The following BMPR1B variants were observed in gnomAD, a reference collection of about 807,000 sequenced individuals.
BMPR1B encodes the protein bone morphogenetic protein receptor type-1B.
Under a neutral mutation model 59.1 loss-of-function variants are expected in BMPR1B, and 12 were observed. The ratio of observed to expected loss-of-function variants is 0.20; its 90% CI spans 0.13 to 0.33. The LOEUF (loss-of-function observed/expected upper bound fraction) is 0.33, where lower values mean the gene tolerates loss of function less well. Ranked by LOEUF, BMPR1B falls within the 10% of genes least tolerant of loss-of-function variation. The pLI is 1.00. For missense variants in BMPR1B, 550 were observed against 610.9 expected (o/e 0.90, Z 1.05); for synonymous variants, 237 against 207.3 (o/e 1.14, Z -1.23).
chr4:94,863,792 T>A (rs1726095583), intron 1 of BMPR1B, among the ~76,000 whole-genome samples: 1 of 152,152 alleles, frequency 6.6e-6, no homozygotes, highest in Admixed American at 6.5e-5. Context: ...GAGGCAGATA[T>A]CTTTTGGTTC....
At chr4:94,843,859 T>G (rs1200622300) in intron 1 of BMPR1B, among the ~76,000 whole-genome samples, 1 of 152,190 alleles carries the variant, frequency 6.6e-6, no homozygotes, top group African/African-American at 2.4e-5. Context: ...CTGGTCAGTT[T>G]CCTAGTGCAC....
chr4:95,066,530 TTC>T (rs1387439935), intron 3 of BMPR1B, among the ~76,000 whole-genome samples: 1 of 152,228 alleles, frequency 6.6e-6, no homozygotes, highest in African/African-American at 2.4e-5. Flanking sequence ...AGTTTCTTTC[TTC>T]TGTTTCTAGA....
intron 3 of BMPR1B, among the ~76,000 whole-genome samples, chr4:95,089,354 A>G (rs1318249151): frequency 2.6e-5 from 4 of 152,106 alleles, no homozygotes; most frequent in African/African-American, 9.7e-5. Context: ...GGGAGAGCCC[A>G]TATTGACAGT....
At chr4:94,872,310 A>G (rs1196925705) in intron 1 of BMPR1B, among the ~76,000 whole-genome samples, 2 of 152,232 alleles carry the variant, frequency 1.3e-5, no homozygotes, top group African/African-American at 2.4e-5. Flanking sequence ...TTCAAGTGCA[A>G]ACTGGTTTTA....
chr4:95,055,922 A>T (rs1346545858), intron 3 of BMPR1B, among the ~76,000 whole-genome samples: 1 of 152,202 alleles, frequency 6.6e-6, no homozygotes, highest in Non-Finnish European at 1.5e-5. Flanking sequence ...ACTGAATCTG[A>T]AATAACATTG....
chr4:95,081,101 T>C (rs2149234546), intron 3 of BMPR1B, among the ~76,000 whole-genome samples: 1 of 152,288 alleles, frequency 6.6e-6, no homozygotes, highest in African/African-American at 2.4e-5. Context: ...GATGAGTTTA[T>C]AAGGGGCTTT....
chr4:94,940,786 G>A (rs571673355), intron 2 of BMPR1B, among the ~76,000 whole-genome samples: 12 of 152,088 alleles, frequency 7.9e-5, no homozygotes, highest in Non-Finnish European at 1.2e-4. Flanking sequence ...ATAGAGCCCC[G>A]AAATTCCTGC....
At chr4:94,894,355 C>T (rs116020984) in intron 2 of BMPR1B, among the ~76,000 whole-genome samples, 2 of 151,888 alleles carry the variant, frequency 1.3e-5, no homozygotes, top group South Asian at 4.1e-4. Context: ...TTGGCACAGA[C>T]CAGCTTTTCT....
At chr4:94,974,285 T>C (rs918548091) in intron 2 of BMPR1B, among the ~76,000 whole-genome samples, 30 of 152,226 alleles carry the variant, frequency 2.0e-4, no homozygotes, top group African/African-American at 6.8e-4. Context: ...TCTAAAAATA[T>C]ATTATTTTTA....
intron 3 of BMPR1B, among the ~76,000 whole-genome samples, chr4:95,101,712 C>A (rs1319085109): frequency 6.6e-6 from 1 of 152,090 alleles, no homozygotes; most frequent in Non-Finnish European, 1.5e-5. Context: ...ACAAGATGTG[C>A]ATCTAACTTT....
At chr4:94,772,494 T>A (rs1722222625) in intron 1 of BMPR1B, among the ~76,000 whole-genome samples, 1 of 152,184 alleles carries the variant, frequency 6.6e-6, no homozygotes. Flanking sequence ...ATTTGCTTTT[T>A]AAAATACTTA....
chr4:94,818,521 G>T (rs534693482), intron 1 of BMPR1B, among the ~76,000 whole-genome samples: 97 of 152,310 alleles, frequency 6.4e-4, no homozygotes, highest in African/African-American at 2.1e-3. Flanking sequence ...CCTACTATGT[G>T]CCAGAGAGTA....
At chr4:95,143,123 A>G (rs776355243) in intron 10 of BMPR1B, among the ~76,000 whole-genome samples, 1 of 152,088 alleles carries the variant, frequency 6.6e-6, no homozygotes, top group African/African-American at 2.4e-5. Context: ...TGCACACACA[A>G]GCAGCCCCAT....
chr4:94,876,880 A>T (rs759680475), intron 2 of BMPR1B, among the ~76,000 whole-genome samples: 22 of 152,176 alleles, frequency 1.4e-4, no homozygotes, highest in Non-Finnish European at 2.6e-4. Context: ...AATCCTTATA[A>T]ATCTACTCAG....
At chr4:94,803,373 T>G (rs886455840) in intron 1 of BMPR1B, among the ~76,000 whole-genome samples, 2 of 152,176 alleles carry the variant, frequency 1.3e-5, no homozygotes, top group South Asian at 4.1e-4. Flanking sequence ...CCTGACCACA[T>G]TGTGGTTTAC....
intron 4 of BMPR1B, among the ~76,000 whole-genome samples, chr4:95,113,068 A>AT (rs1480367264): frequency 3.9e-5 from 6 of 152,164 alleles, no homozygotes; most frequent in African/African-American, 1.4e-4. Flanking sequence ...AAGGAAAAGA[A>AT]TAAAAAAGTC....
intron 2 of BMPR1B, among the ~76,000 whole-genome samples, chr4:94,884,235 A>G (rs1287557810): frequency 2.6e-5 from 4 of 152,124 alleles, no homozygotes; most frequent in African/African-American, 9.7e-5. Context: ...CATATAAAAA[A>G]CTGACCTCGG....
intron 3 of BMPR1B, among the ~76,000 whole-genome samples, chr4:95,087,731 C>A (rs1241634016): frequency 6.6e-6 from 1 of 150,794 alleles, no homozygotes; most frequent in Non-Finnish European, 1.5e-5. Flanking sequence ...GACCCTGTCT[C>A]AAAAAAAATA....
intron 3 of BMPR1B, among the ~76,000 whole-genome samples, chr4:95,033,926 T>C (rs1313473013): frequency 6.6e-6 from 1 of 152,144 alleles, no homozygotes. Flanking sequence ...ATAAGTATTA[T>C]GGAAGTTCAG....
Sources: gnomAD v4.1 joint callset for allele counts (sites outside exome capture counted in the v4.1 genomes callset) on GRCh38, gnomAD v4.1.1 for gene constraint, MANE v1.5 for transcripts, NCBI Gene and HGNC (gene_info 2026-07-23, HGNC 2026-07-21) for gene names.